The following PCDHA7 variants were observed in gnomAD, a reference collection of about 807,000 sequenced individuals.
PCDHA7 encodes the protein protocadherin alpha 7, also known as protocadherin alpha-7.
PCDHA7 carries 37 observed loss-of-function variants against 57.2 expected under a neutral mutation model. The observed-to-expected ratio is 0.65, with a 90% confidence interval of 0.50 to 0.85. PCDHA7 has a LOEUF of 0.85. PCDHA7 is among the 40% of genes least tolerant of loss of function. The pLI is 0.00. For synonymous variants in PCDHA7, 553 were observed against 558.8 expected (o/e 0.99, Z 0.15); for missense variants, 1,188 against 1,241.8 (o/e 0.96, Z 0.65).
intron 1 of PCDHA7, chr5:140,851,286 C>T (rs956539821): frequency 9.6e-7 from 1 of 1,038,578 alleles, no homozygotes; most frequent in South Asian, 4.4e-5. Context: ...TATAAGAAAC[C>T]CAAGCAAAAA....
At chr5:140,901,674 G>C (rs1387047115) in intron 1 of PCDHA7, among the ~76,000 whole-genome samples, 5 of 152,034 alleles carry the variant, frequency 3.3e-5, no homozygotes, top group African/African-American at 9.7e-5. Flanking sequence ...GATACCTTTA[G>C]GTATTATGGG....
intron 1 of PCDHA7, among the ~76,000 whole-genome samples, chr5:140,888,358 C>T (rs2061801167): frequency 6.6e-6 from 1 of 152,178 alleles, no homozygotes; most frequent in Non-Finnish European, 1.5e-5. Flanking sequence ...TTGCTACTGG[C>T]ATCTAATAAT....
intron 1 of PCDHA7, chr5:140,969,129 C>T: frequency 6.2e-7 from 1 of 1,614,144 alleles, no homozygotes; most frequent in Non-Finnish European, 8.5e-7. Context: ...GGCTCCCTCA[C>T]CAAGACCTAC....
At chr5:140,969,765 G>T (rs1445266469) in intron 1 of PCDHA7, among the ~76,000 whole-genome samples, 5 of 152,148 alleles carry the variant, frequency 3.3e-5, no homozygotes, top group Non-Finnish European at 7.3e-5. Flanking sequence ...AAGCTCTGAG[G>T]CCTCTAGGGG....
rs182063339 is a variant in PCDHA7 at position 140,937,439 on chromosome 5, T to C, written c.2356-41510T>C. Among the ~76,000 whole-genome samples, 830 of 152,312 alleles carry C rather than the reference T, an allele frequency of 5.4e-3. 3 individuals are homozygous for C. The highest frequency in any genetic ancestry group is 0.019 in the African/African-American group (799 of 41,586). Reference sequence around the variant, plus strand: ...TAGATAGCTGATATTTTAATGCTATTTTAAAAGTTTAATTTTATAATACAA... The same window carrying C: ...TAGATAGCTGATATTTTAATGCTATCTTAAAAGTTTAATTTTATAATACAA... On this transcript the variant is annotated intron_variant, in intron 1 of 3. Coordinates refer to ENST00000525929, the MANE Select transcript of PCDHA7 (RefSeq NM_018910.3).
At chr5:140,965,496 A>AT (rs71766133) in intron 1 of PCDHA7, among the ~76,000 whole-genome samples, 6,292 of 146,438 alleles carry the variant, frequency 0.043, 368 homozygotes, top group African/African-American at 0.14. Flanking sequence ...ATGACAGCAG[A>AT]TTTTTTTTTT....
intron 1 of PCDHA7, chr5:140,850,516 A>G: frequency 6.3e-7 from 1 of 1,598,240 alleles, no homozygotes; most frequent in Non-Finnish European, 8.6e-7. Context: ...GAGAGCGGCC[A>G]GGCGCCAAAG....
At chr5:141,002,014 C>T (rs1025365420) in intron 3 of PCDHA7, among the ~76,000 whole-genome samples, 1 of 152,220 alleles carries the variant, frequency 6.6e-6, no homozygotes, top group Non-Finnish European at 1.5e-5. Context: ...AGAATCTGCA[C>T]AGCCTTCGGT....
At chr5:140,894,656 C>T (rs2064591261) in intron 1 of PCDHA7, among the ~76,000 whole-genome samples, 2 of 151,616 alleles carry the variant, frequency 1.3e-5, no homozygotes, top group Non-Finnish European at 2.9e-5. Flanking sequence ...CTCTCTAATT[C>T]TGATTTGTGT....
chr5:140,837,614 C>A (rs188278547), intron 1 of PCDHA7, among the ~76,000 whole-genome samples: 1 of 147,776 alleles, frequency 6.8e-6, no homozygotes, highest in East Asian at 2.0e-4. Flanking sequence ...TTATAATTTG[C>A]CCCTTCCTTC....
In PCDHA7 at chr5:140,851,831, A is replaced by T. The variant is rs1171493624; in HGVS notation, c.2355+15093A>T. 16 of 968,114 alleles carry T rather than the reference A, an allele frequency of 1.7e-5. 1 individual carries two copies. Among genetic ancestry groups the T allele is most frequent in the Middle Eastern group, 5.3e-4 (1 of 1,876 alleles). 60.0% of individuals were successfully genotyped at this position (968,114 alleles called of 1,614,324 possible). On this transcript the variant is annotated intron_variant, in intron 1 of 3. Transcript: ENST00000525929. ...CCATAAGACAGAAATCTGTTTTTTT[A>T]AAAATATCTTTTTCTCCTCTCAGCT...
chr5:140,968,923 T>G lies in PCDHA7; in HGVS notation c.2356-10026T>G, dbSNP rs140504777. The G allele has an allele frequency of 2.9e-3, 4,668 of 1,614,212 alleles. 4 individuals are homozygous for G. Among genetic ancestry groups the G allele is most frequent in the Non-Finnish European group, 3.3e-3 (3,916 of 1,180,046 alleles). ...CATTAAGCACAGTGTCTTTTATATT[T>G]CTTTTGACAATCATCATTTTGAGCA... On this transcript the variant is annotated intron_variant, in intron 1 of 3. Coordinates refer to ENST00000525929, the MANE Select transcript of PCDHA7 (RefSeq NM_018910.3).
chr5:141,008,800 A>G (rs949324548), intron 3 of PCDHA7, among the ~76,000 whole-genome samples: 8 of 152,222 alleles, frequency 5.3e-5, no homozygotes, highest in Non-Finnish European at 1.2e-4. Flanking sequence ...TTATCTAAAC[A>G]AATAGGCTCA....
At chr5:140,971,117 G>A (rs868931936) in intron 1 of PCDHA7, among the ~76,000 whole-genome samples, 1 of 152,162 alleles carries the variant, frequency 6.6e-6, no homozygotes, top group Admixed American at 6.5e-5. Flanking sequence ...ATTGGGGTGG[G>A]CTACAGGTGG....
rs782751899 is a variant in PCDHA7 at position 140,967,272 on chromosome 5, T to G, written c.2356-11677T>G. The G allele has an allele frequency of 1.2e-6, 2 of 1,613,412 alleles. No homozygotes were observed. Among genetic ancestry groups the G allele is most frequent in the East Asian group, 2.2e-5 (1 of 44,860 alleles). On this transcript the variant is annotated intron_variant, in intron 1 of 3. Transcript: ENST00000525929. ...GTGGCGCCTGGAGCGCGCTTTCACA[T>G]AGAGAGTGCGCAGGACCCCGACGTG...
In PCDHA7 at chr5:140,836,493, A is replaced by T. The variant is rs1554136006; in HGVS notation, c.2110A>T (p.Ile704Phe). The change falls in exon 1 of 4, where the codon ATC becomes TTC. Residue 704 changes from isoleucine to phenylalanine, a missense_variant. Coordinates refer to ENST00000525929, the MANE Select transcript of PCDHA7 (RefSeq NM_018910.3). ...VDVNVYLIIA[I>F]CAVSSLLVLT... ...TGTCAACGTGTACCTGATCATCGCC[A>T]TCTGCGCGGTGTCCAGTCTGTTGGT... The T allele has an allele frequency of 2.5e-6, 4 of 1,613,732 alleles. No individual in the cohort carries two copies. The highest frequency in any genetic ancestry group is 1.7e-5 in the Admixed American group (1 of 60,000).
At chr5:140,967,626 G>T in intron 1 of PCDHA7, 2 of 1,614,138 alleles carry the variant, frequency 1.2e-6, no homozygotes, top group Non-Finnish European at 1.7e-6. Flanking sequence ...CCGGATGAGG[G>T]CTCCAATGGT....
chr5:140,861,631 C>T, intron 1 of PCDHA7: 1 of 315,060 alleles, frequency 3.2e-6, no homozygotes, highest in Non-Finnish European at 6.4e-6. Flanking sequence ...GTGTTCTCAG[C>T]AACACAAAAG....
At chr5:140,948,727 T>C (rs2094298087) in intron 1 of PCDHA7, among the ~76,000 whole-genome samples, 2 of 151,670 alleles carry the variant, frequency 1.3e-5, no homozygotes, top group Admixed American at 1.3e-4. Flanking sequence ...TATCAATAAG[T>C]CTAGCTGAGA....
Sources: gnomAD v4.1 joint callset for allele counts (sites outside exome capture counted in the v4.1 genomes callset) on GRCh38, gnomAD v4.1.1 for gene constraint, MANE v1.5 for transcripts, NCBI Gene and HGNC (gene_info 2026-07-23, HGNC 2026-07-21) for gene names.